The following ZYG11B variants were observed in gnomAD, a reference collection of about 807,000 sequenced individuals.
ZYG11B encodes protein zyg-11 homolog B.
A neutral mutation model predicts 82.4 loss-of-function variants in ZYG11B; 36 were observed. That is an observed-to-expected ratio of 0.44 (90% CI 0.33 to 0.58). The LOEUF is 0.58. ZYG11B is among the 20% of genes least tolerant of loss of function. ZYG11B has a pLI of 0.02. For synonymous variants in ZYG11B, 303 were observed against 312.8 expected (o/e 0.97, Z 0.33); for missense variants, 552 against 895.6 (o/e 0.62, Z 4.90).
chr1:52,737,096 G>C (rs1644384352), intron 1 of ZYG11B, among the ~76,000 whole-genome samples: 1 of 151,578 alleles, frequency 6.6e-6, no homozygotes, highest in Non-Finnish European at 1.5e-5. Context: ...TAGCCAGGCT[G>C]GTCTCTAACT....
At chr1:52,791,035 A>C (rs988462188) in intron 6 of ZYG11B, among the ~76,000 whole-genome samples, 17 of 151,372 alleles carry the variant, frequency 1.1e-4, no homozygotes, top group South Asian at 6.3e-4. Flanking sequence ...GCAGTGGTGC[A>C]ATCTCAGCTC....
chr1:52,797,315 A>G (rs1372468015), intron 8 of ZYG11B, among the ~76,000 whole-genome samples: 1 of 84,132 alleles, frequency 1.2e-5, no homozygotes, highest in Non-Finnish European at 1.9e-5. Context: ...AAATATATAC[A>G]TATAATATAT....
intron 1 of ZYG11B, among the ~76,000 whole-genome samples, chr1:52,755,249 C>G (rs1644564227): frequency 6.6e-6 from 1 of 152,070 alleles, no homozygotes; most frequent in Admixed American, 6.6e-5. Context: ...GCGGGAGCCA[C>G]TGCACCCGGC....
At chr1:52,814,715 A>ACT (rs1172188747) in intron 12 of ZYG11B, among the ~76,000 whole-genome samples, 1 of 152,068 alleles carries the variant, frequency 6.6e-6, no homozygotes, top group Non-Finnish European at 1.5e-5. Context: ...ACACACACAC[A>ACT]CACACACACA....
At chr1:52,756,815 C>CTT (rs57189955) in intron 2 of ZYG11B, among the ~76,000 whole-genome samples, 192 bp downstream of exon 2, 7 of 132,552 alleles carry the variant, frequency 5.3e-5, no homozygotes, top group Non-Finnish European at 6.5e-5. Context: ...AAACATTTTT[C>CTT]TTTTTTTTTT....
chr1:52,770,088 ATATAT>A (rs1301662559), intron 2 of ZYG11B, among the ~76,000 whole-genome samples: 2,192 of 76,840 alleles, frequency 0.029, 32 homozygotes, highest in Middle Eastern at 0.093. Flanking sequence ...ATATATATAT[ATATAT>A]TTTTTTTTTT....
intron 5 of ZYG11B, among the ~76,000 whole-genome samples, chr1:52,787,493 A>G (rs949867731): frequency 1.3e-4 from 20 of 152,236 alleles, no homozygotes; most frequent in African/African-American, 4.6e-4. Context: ...ACTATTGGTA[A>G]TAGATTCTTT....
intron 2 of ZYG11B, among the ~76,000 whole-genome samples, chr1:52,757,285 T>A (rs930080607): frequency 1.3e-5 from 2 of 152,048 alleles, no homozygotes; most frequent in South Asian, 4.1e-4. Flanking sequence ...AGCACTGGGA[T>A]CATAGGCATG....
At chr1:52,732,754 A>G (rs1346519009) in intron 1 of ZYG11B, among the ~76,000 whole-genome samples, 2 of 150,584 alleles carry the variant, frequency 1.3e-5, no homozygotes, top group Non-Finnish European at 3.0e-5. Context: ...ACAGAGCAAG[A>G]CTCTGTCTCA....
intron 3 of ZYG11B, among the ~76,000 whole-genome samples, chr1:52,774,260 C>G (rs557429776): frequency 6.6e-5 from 10 of 151,854 alleles, no homozygotes; most frequent in African/African-American, 2.4e-4. Flanking sequence ...CCTGGCTTAG[C>G]CTCCTGAGTA....
rs751502126 is a variant in ZYG11B, at chr1:52,771,654, G to A, written c.831G>A (p.Lys277=). 2 of 1,614,210 alleles carry A rather than the reference G, an allele frequency of 1.2e-6. No individual in the cohort carries two copies. The highest frequency in any genetic ancestry group is 1.7e-5 in the Admixed American group (1 of 60,018). The part of the protein sequence containing the change: ...NLVSLDVSGR[K]HVTDKAVEAF... ...TTTCTCTGGATGTTTCTGGGAGAAA[G>A]CACGTGACAGATAAAGCCGTTGAAG... Residue 277 remains lysine, a synonymous_variant, in exon 3 of 14, where the codon AAG becomes AAA. Coordinates refer to ENST00000294353, the MANE Select transcript of ZYG11B (RefSeq NM_024646.3). The surrounding 1 kb of genome is among the most constrained non-coding windows in gnomAD (Gnocchi z 5.4).
chr1:52,731,752 G>A (rs1644334189), intron 1 of ZYG11B, among the ~76,000 whole-genome samples: 1 of 152,148 alleles, frequency 6.6e-6, no homozygotes, highest in Admixed American at 6.5e-5. Context: ...GTGTGTGTGA[G>A]AGGGCAACTA....
intron 13 of ZYG11B, among the ~76,000 whole-genome samples, chr1:52,817,777 GTATATATATATATATATATA>G (rs869260265): frequency 0.018 from 728 of 41,518 alleles, 12 homozygotes; most frequent in South Asian, 0.05. Context: ...ATATATATGT[GTATATATATATATATATATA>G]TATATATATA....
chr1:52,738,401 C>G (rs1476187122), intron 1 of ZYG11B, among the ~76,000 whole-genome samples: 2 of 151,624 alleles, frequency 1.3e-5, no homozygotes, highest in Non-Finnish European at 2.9e-5. Flanking sequence ...GGCTAGTCTC[C>G]AACTCCTAAG....
chr1:52,739,434 CAAGTA>C (rs763092919), intron 1 of ZYG11B, among the ~76,000 whole-genome samples: 1 of 152,056 alleles, frequency 6.6e-6, no homozygotes, highest in Non-Finnish European at 1.5e-5. Flanking sequence ...AAGTTAAAGG[CAAGTA>C]GAGTAGAGTA....
At chr1:52,740,450 G>A (rs1644414223) in intron 1 of ZYG11B, among the ~76,000 whole-genome samples, 1 of 151,664 alleles carries the variant, frequency 6.6e-6, no homozygotes, top group Non-Finnish European at 1.5e-5. Context: ...AGTAGTTGGT[G>A]TTCTTTTAAA....
chr1:52,778,819 CTTAATT>C (rs1379757005), intron 3 of ZYG11B, among the ~76,000 whole-genome samples: 1 of 152,098 alleles, frequency 6.6e-6, no homozygotes, highest in African/African-American at 2.4e-5. Context: ...CCTAGAAAGA[CTTAATT>C]TTAAACAGAA....
intron 5 of ZYG11B, among the ~76,000 whole-genome samples, chr1:52,785,352 T>C (rs1480951083): frequency 6.6e-6 from 1 of 152,236 alleles, no homozygotes; most frequent in Non-Finnish European, 1.5e-5. Flanking sequence ...CTAGGCACTA[T>C]CAAATGCTGG....
intron 2 of ZYG11B, among the ~76,000 whole-genome samples, chr1:52,770,387 T>C (rs1431727689): frequency 6.6e-6 from 1 of 152,158 alleles, no homozygotes; most frequent in Non-Finnish European, 1.5e-5. Context: ...AAATATATTA[T>C]GTGTATATGT....
Sources: gnomAD v4.1 joint callset for allele counts (sites outside exome capture counted in the v4.1 genomes callset) on GRCh38, gnomAD v4.1.1 for gene constraint, Gnocchi (gnomAD v3.1) non-coding constraint, MANE v1.5 for transcripts, NCBI Gene and HGNC (gene_info 2026-07-23, HGNC 2026-07-21) for gene names.